The following GSK3B variants were observed in gnomAD, a reference collection of about 807,000 sequenced individuals.
The protein encoded by GSK3B is glycogen synthase kinase-3 beta.
GSK3B carries 15 observed loss-of-function variants against 56.4 expected under a neutral mutation model. The observed-to-expected ratio is 0.27, with a 90% confidence interval of 0.18 to 0.41. The LOEUF is 0.41. Ranked by LOEUF, GSK3B falls within the 10% of genes least tolerant of loss-of-function variation. The pLI, the probability that GSK3B is intolerant of heterozygous loss-of-function variation, is 1.00. For synonymous variants in GSK3B, 181 were observed against 188.9 expected (o/e 0.96, Z 0.34); for missense variants, 300 against 513.4 (o/e 0.58, Z 4.02).
chr3:119,964,634 A>G (rs1481210760), intron 2 of GSK3B, among the ~76,000 whole-genome samples: 1 of 152,208 alleles, frequency 6.6e-6, no homozygotes, highest in Non-Finnish European at 1.5e-5. Context: ...GTTCAACGGT[A>G]TAAAGTTAGT....
intron 2 of GSK3B, among the ~76,000 whole-genome samples, chr3:119,964,874 G>T (rs1454770128): frequency 6.6e-6 from 1 of 152,002 alleles, no homozygotes; most frequent in Non-Finnish European, 1.5e-5. Flanking sequence ...ACACATATTT[G>T]TCCAAATGCA....
At chr3:119,879,496 A>T (rs2056355372) in intron 7 of GSK3B, among the ~76,000 whole-genome samples, 1 of 152,092 alleles carries the variant, frequency 6.6e-6, no homozygotes, top group African/African-American at 2.4e-5. Flanking sequence ...TTTGTTTTAT[A>T]AACAATCCAA....
At chr3:120,017,360 G>A (rs1003481730) in intron 1 of GSK3B, among the ~76,000 whole-genome samples, 19 of 152,112 alleles carry the variant, frequency 1.2e-4, no homozygotes, top group African/African-American at 4.3e-4. Context: ...GTAATCTTTA[G>A]TGACAGTAAT....
chr3:119,871,768 A>G (rs914645728), intron 8 of GSK3B, among the ~76,000 whole-genome samples: 4 of 152,164 alleles, frequency 2.6e-5, no homozygotes, highest in African/African-American at 9.7e-5. Context: ...CAATCTGACT[A>G]AACCAGAAAA....
intron 2 of GSK3B, among the ~76,000 whole-genome samples, chr3:119,998,251 T>C (rs2057643267): frequency 6.6e-6 from 1 of 152,202 alleles, no homozygotes. Flanking sequence ...AAAACAACTG[T>C]GGTTTCTGTC....
intron 3 of GSK3B, among the ~76,000 whole-genome samples, chr3:119,945,844 T>C (rs566216948): frequency 6.6e-6 from 1 of 152,174 alleles, no homozygotes; most frequent in African/African-American, 2.4e-5. Flanking sequence ...AGGAGTATCA[T>C]GATGTATCTA....
chr3:120,023,830 T>A (rs1401085521), intron 1 of GSK3B, among the ~76,000 whole-genome samples: 1 of 152,096 alleles, frequency 6.6e-6, no homozygotes, highest in Non-Finnish European at 1.5e-5. Context: ...AAGATCTCCA[T>A]CAAAGCAGAT....
At chr3:120,026,239 A>G (rs982917089) in intron 1 of GSK3B, among the ~76,000 whole-genome samples, 1 of 152,152 alleles carries the variant, frequency 6.6e-6, no homozygotes, top group South Asian at 2.1e-4. Flanking sequence ...ACTTTCCCCA[A>G]ATATCAAGCA....
In GSK3B at chr3:119,823,400, T is replaced by C. The variant is rs985252290; in HGVS notation, c.*3388A>G. ...CACTCCGTGCAGTAACTGCTAGTAA[T>C]TGCACTATAGCATTTTAGACCACTG... On this transcript the variant is annotated 3_prime_UTR_variant, in exon 11 of 11. Transcript: ENST00000264235. 1 of 200,970 alleles carries C rather than the reference T, an allele frequency of 5.0e-6. No homozygotes were observed. Among genetic ancestry groups the C allele is most frequent in the East Asian group, 7.7e-5 (1 of 13,018 alleles). 12.4% of individuals were successfully genotyped at this position (200,970 alleles called of 1,614,324 possible). A position where few individuals can be genotyped will look rare whatever the true frequency, so the allele number is the denominator to read the frequency against.
At chr3:119,938,404 A>T (rs143506560) in intron 3 of GSK3B, among the ~76,000 whole-genome samples, 17 of 152,262 alleles carry the variant, frequency 1.1e-4, no homozygotes, top group African/African-American at 3.8e-4. Flanking sequence ...GAAATCTAAT[A>T]GCATATTAAA....
intron 1 of GSK3B, among the ~76,000 whole-genome samples, chr3:120,049,354 C>T (rs746469506): frequency 9.2e-5 from 14 of 152,046 alleles, no homozygotes; most frequent in South Asian, 2.1e-4. Flanking sequence ...AAAGGAAATA[C>T]GGTCAAATGG....
intron 5 of GSK3B, among the ~76,000 whole-genome samples, chr3:119,915,681 T>C (rs910792100): frequency 2.6e-5 from 4 of 152,050 alleles, no homozygotes; most frequent in Non-Finnish European, 4.4e-5. Flanking sequence ...TCACAGAGAG[T>C]TGCCTCATTC....
At chr3:119,886,392 G>A in intron 7 of GSK3B, among the ~76,000 whole-genome samples, 1 of 152,188 alleles carries the variant, frequency 6.6e-6, no homozygotes, top group African/African-American at 2.4e-5. Context: ...AAAAACAACA[G>A]ATGCTGGTGA....
intron 7 of GSK3B, among the ~76,000 whole-genome samples, chr3:119,889,824 GAGTAAA>G (rs1473368584): frequency 6.6e-6 from 1 of 151,096 alleles, no homozygotes; most frequent in African/African-American, 2.4e-5. Context: ...AAAACACATA[GAGTAAA>G]AGTAAAAGAA....
At chr3:119,972,274 ATTCAAATAAGG>A (rs1196268794) in intron 2 of GSK3B, among the ~76,000 whole-genome samples, 1 of 152,216 alleles carries the variant, frequency 6.6e-6, no homozygotes, top group Non-Finnish European at 1.5e-5. Flanking sequence ...AATAAATGAG[ATTCAAATAAGG>A]TATATGATAG....
intron 10 of GSK3B, among the ~76,000 whole-genome samples, chr3:119,840,224 A>AT (rs59879900): frequency 0.097 from 13,502 of 138,538 alleles, 748 homozygotes; most frequent in Non-Finnish European, 0.13. Context: ...GATGCCGAGA[A>AT]TTTTTTTTTT....
intron 2 of GSK3B, among the ~76,000 whole-genome samples, chr3:119,999,652 G>C (rs533495516): frequency 6.6e-6 from 1 of 152,136 alleles, no homozygotes; most frequent in African/African-American, 2.4e-5. Flanking sequence ...ATATGGGCTC[G>C]AGGAATTTAG....
chr3:119,983,407 T>C (rs1445982566), intron 2 of GSK3B, among the ~76,000 whole-genome samples: 3 of 152,020 alleles, frequency 2.0e-5, no homozygotes, highest in Non-Finnish European at 4.4e-5. Flanking sequence ...AGACACAGAT[T>C]GGCAAATTGG....
chr3:119,975,046 A>G (rs1017238519), intron 2 of GSK3B, among the ~76,000 whole-genome samples: 12 of 152,232 alleles, frequency 7.9e-5, no homozygotes, highest in African/African-American at 2.9e-4. Flanking sequence ...ACCTTTATTC[A>G]TAATTGTCTA....
Sources: gnomAD v4.1 joint callset for allele counts (sites outside exome capture counted in the v4.1 genomes callset) on GRCh38, gnomAD v4.1.1 for gene constraint, MANE v1.5 for transcripts, NCBI Gene and HGNC (gene_info 2026-07-23, HGNC 2026-07-21) for gene names.